Variants in CNTNAP5 observed in about 807,000 individuals in gnomAD.
CNTNAP5 encodes the protein contactin associated protein family member 5, also known as contactin-associated protein-like 5.
Under a neutral mutation model 150.2 loss-of-function variants are expected in CNTNAP5, and 72 were observed. The ratio of observed to expected loss-of-function variants is 0.48; its 90% CI spans 0.40 to 0.58. CNTNAP5 has a LOEUF of 0.58. Among genes scored for constraint, CNTNAP5 ranks in the 20% least tolerant of loss-of-function variants. The probability of loss-of-function intolerance (pLI) is 0.00; values close to 1 mark genes in which losing one functional copy is unlikely to be tolerated. For synonymous variants in CNTNAP5, 672 were observed against 619.8 expected, an observed-to-expected ratio of 1.08 and a Z score of -1.25; for missense variants, 1,636 against 1,626.2, an observed-to-expected ratio of 1.01 and a Z score of -0.10.
At chr2:124,310,249 G>A (rs1312473519) in intron 3 of CNTNAP5, among the ~76,000 whole-genome samples, 1 of 152,102 alleles carries the variant, frequency 6.6e-6, no homozygotes, top group Non-Finnish European at 1.5e-5. Context: ...TTGGGGCAAT[G>A]CATTGCGGTC....
intron 1 of CNTNAP5, among the ~76,000 whole-genome samples, chr2:124,138,506 A>C (rs1684029384): frequency 6.6e-6 from 1 of 152,278 alleles, no homozygotes; most frequent in East Asian, 1.9e-4. Context: ...ATGCCTTTTC[A>C]TGAAGACCTT....
intron 3 of CNTNAP5, among the ~76,000 whole-genome samples, chr2:124,414,395 C>A (rs1558891059): frequency 6.6e-6 from 1 of 152,110 alleles, no homozygotes; most frequent in Non-Finnish European, 1.5e-5. Context: ...AAGCTGCTAG[C>A]ACCAGGAAGT....
intron 1 of CNTNAP5, among the ~76,000 whole-genome samples, chr2:124,166,941 G>A (rs1055617749): frequency 5.3e-5 from 8 of 152,112 alleles, no homozygotes; most frequent in African/African-American, 1.9e-4. Flanking sequence ...TCTGCCCACA[G>A]AGTGAATGCC....
intron 4 of CNTNAP5, among the ~76,000 whole-genome samples, chr2:124,433,119 A>G (rs916413449): frequency 6.6e-6 from 1 of 152,200 alleles, no homozygotes; most frequent in Non-Finnish European, 1.5e-5. Flanking sequence ...TATGTTATCT[A>G]TACCACAGTC....
chr2:124,713,306 T>C lies in CNTNAP5; in HGVS notation c.2078-33923T>C, dbSNP rs867692583. ...CTTTCTTTCTTTCTTTCTTTCTTCT[T>C]TCTCTTTCTTTCCTTTCTTTCTTTC... is the stretch of plus-strand genomic sequence containing the variant. On this transcript the variant is annotated intron_variant, in intron 13 of 23. Transcript: ENST00000682447. Among the ~76,000 whole-genome samples the C allele has an allele frequency of 1.1e-3, 104 of 94,912 alleles. 4 individuals are homozygous for C. The highest frequency in any genetic ancestry group is 5.0e-3 in the Admixed American group (47 of 9,386). 62.3% of individuals were successfully genotyped at this position (94,912 alleles called of 152,430 possible).
At chr2:124,704,371 A>G (rs17011902) in intron 13 of CNTNAP5, among the ~76,000 whole-genome samples, 40,992 of 152,160 alleles carry the variant, frequency 0.27, 6,727 homozygotes, top group East Asian at 0.66. Context: ...GATTTTTTAA[A>G]AGAGATTAAA....
At chr2:124,635,753 T>C (rs1482198137) in intron 12 of CNTNAP5, among the ~76,000 whole-genome samples, 1 of 152,186 alleles carries the variant, frequency 6.6e-6, no homozygotes, top group East Asian at 1.9e-4. Context: ...AGGGCCAAGA[T>C]TGACTGTGGT....
chr2:124,833,944 G>C (rs1269116807), intron 19 of CNTNAP5, among the ~76,000 whole-genome samples: 1 of 152,142 alleles, frequency 6.6e-6, no homozygotes, highest in East Asian at 1.9e-4. Context: ...CACAGAGTTA[G>C]GGACTTTGTG....
At chr2:124,238,498 C>A (rs1317008765) in intron 2 of CNTNAP5, among the ~76,000 whole-genome samples, 1 of 152,062 alleles carries the variant, frequency 6.6e-6, no homozygotes, top group African/African-American at 2.4e-5. Flanking sequence ...CATTTTGGAT[C>A]TTTTGTTTGT....
chr2:124,504,864 A>G (rs1407758794), intron 8 of CNTNAP5, among the ~76,000 whole-genome samples: 1 of 151,548 alleles, frequency 6.6e-6, no homozygotes, highest in African/African-American at 2.4e-5. Flanking sequence ...ACACCACCAC[A>G]TCCAGCTAAT....
intron 12 of CNTNAP5, among the ~76,000 whole-genome samples, chr2:124,642,510 G>C (rs1678114210): frequency 1.3e-5 from 2 of 152,154 alleles, no homozygotes; most frequent in Non-Finnish European, 2.9e-5. Context: ...GTAGCCTGAG[G>C]ATGAAAGACC....
At chr2:124,641,469 G>A (rs1438823909) in intron 12 of CNTNAP5, among the ~76,000 whole-genome samples, 2 of 152,102 alleles carry the variant, frequency 1.3e-5, no homozygotes, top group East Asian at 3.9e-4. Context: ...AGAGATAAGG[G>A]AGAAACATAT....
chr2:124,918,503 T>C lies in CNTNAP5; in HGVS notation c.*4215T>C, dbSNP rs1288395859. Among the ~76,000 whole-genome samples the C allele has an allele frequency of 6.6e-6, 1 of 152,088 alleles. No homozygotes were observed. The highest frequency in any genetic ancestry group is 1.9e-4 in the East Asian group (1 of 5,168). On this transcript the variant is annotated 3_prime_UTR_variant, in exon 24 of 24. Transcript: ENST00000682447. Reference sequence around the variant, plus strand: ...GTTAATTCAGTTAGAAGAGTTGCACTGGGAGGGTGCAAGCACAGCCAACTT... The same window carrying C: ...GTTAATTCAGTTAGAAGAGTTGCACCGGGAGGGTGCAAGCACAGCCAACTT...
intron 13 of CNTNAP5, among the ~76,000 whole-genome samples, chr2:124,667,414 CT>C (rs1306679837): frequency 6.6e-6 from 1 of 152,210 alleles, no homozygotes; most frequent in Non-Finnish European, 1.5e-5. Context: ...ATGAGAGTAT[CT>C]TTGTCACTGA....
At chr2:124,122,368 T>G (rs190697943) in intron 1 of CNTNAP5, among the ~76,000 whole-genome samples, 6 of 152,350 alleles carry the variant, frequency 3.9e-5, no homozygotes, top group Non-Finnish European at 1.5e-5. Flanking sequence ...AGTGTTTGCA[T>G]ATTGAATGAT....
chr2:124,391,683 T>C (rs1691112939), intron 3 of CNTNAP5, among the ~76,000 whole-genome samples: 1 of 152,170 alleles, frequency 6.6e-6, no homozygotes, highest in African/African-American at 2.4e-5. Flanking sequence ...AGGCCGGGCG[T>C]GCTGGCTCAC....
intron 10 of CNTNAP5, among the ~76,000 whole-genome samples, chr2:124,531,543 T>C (rs1695109679): frequency 6.6e-6 from 1 of 152,162 alleles, no homozygotes; most frequent in African/African-American, 2.4e-5. Flanking sequence ...CTTACATCTA[T>C]CCCTGAGTAG....
At chr2:124,798,488 A>G (rs1212631546) in intron 19 of CNTNAP5, among the ~76,000 whole-genome samples, 168 bp downstream of exon 19, 3 of 152,214 alleles carry the variant, frequency 2.0e-5, no homozygotes, top group Non-Finnish European at 4.4e-5. Flanking sequence ...ATGAGATGCA[A>G]TTGGTATTCA....
intron 1 of CNTNAP5, among the ~76,000 whole-genome samples, chr2:124,057,579 C>A (rs868090461): frequency 6.6e-6 from 1 of 151,220 alleles, no homozygotes; most frequent in South Asian, 2.1e-4. Context: ...CATGAGCCAC[C>A]GCTCCTGGCC....
Sources: gnomAD v4.1 joint callset for allele counts (sites outside exome capture counted in the v4.1 genomes callset) on GRCh38, gnomAD v4.1.1 for gene constraint, MANE v1.5 for transcripts, NCBI Gene and HGNC (gene_info 2026-07-23, HGNC 2026-07-21) for gene names.